The following XPO7 variants were observed in gnomAD, a reference collection of about 807,000 sequenced individuals.
XPO7 encodes the protein exportin-7.
In XPO7, 21 loss-of-function variants were observed where a neutral mutation model predicts 144.3. That is an observed-to-expected ratio of 0.15 (90% CI 0.10 to 0.21). The LOEUF (loss-of-function observed/expected upper bound fraction) is 0.21, where lower values mean the gene tolerates loss of function less well. Among genes scored for constraint, XPO7 ranks in the 10% least tolerant of loss-of-function variants. The pLI is 1.00. For missense variants in XPO7, 808 were observed against 1,325.8 expected (o/e 0.61, Z 6.06); for synonymous variants, 580 against 499.6 (o/e 1.16, Z -2.15).
intron 1 of XPO7, among the ~76,000 whole-genome samples, chr8:21,961,574 A>C (rs1811726903): frequency 6.6e-6 from 1 of 152,096 alleles, no homozygotes; most frequent in South Asian, 2.1e-4. Flanking sequence ...GTTCAGACTA[A>C]ACTAGCAACA....
chr8:21,948,264 C>T (rs1811256598), intron 1 of XPO7, among the ~76,000 whole-genome samples: 1 of 152,172 alleles, frequency 6.6e-6, no homozygotes, highest in African/African-American at 2.4e-5. Context: ...TGAAAAATTC[C>T]TGTTGCCTAG....
Position 22,005,229 on chromosome 8 carries a change from G to A in XPO7, c.*141G>A. The A allele has an allele frequency of 1.7e-6, 1 of 597,702 alleles. No individual in the cohort carries two copies. 37.0% of individuals were successfully genotyped at this position (597,702 alleles called of 1,614,324 possible). On this transcript the variant is annotated 3_prime_UTR_variant, in exon 28 of 28. Coordinates refer to ENST00000252512, the MANE Select transcript of XPO7 (RefSeq NM_015024.5). ...GGAAAATGGCAAAGGTCAACTAGCT[G>A]CTTCCCCAGGGAATAGGGGTGTGAG...
intron 1 of XPO7, among the ~76,000 whole-genome samples, chr8:21,948,235 C>A (rs553050888): frequency 1.8e-4 from 28 of 152,254 alleles, no homozygotes; most frequent in African/African-American, 6.3e-4. Flanking sequence ...ACAGTGGTCA[C>A]GTAAGATTAT....
chr8:21,941,774 T>C (rs1046100235), intron 1 of XPO7, among the ~76,000 whole-genome samples: 4 of 152,134 alleles, frequency 2.6e-5, no homozygotes, highest in African/African-American at 9.7e-5. Flanking sequence ...TTTCTAGGCT[T>C]AAGCGATCCT....
chr8:21,951,053 A>G (rs1347310182), intron 1 of XPO7, among the ~76,000 whole-genome samples: 1 of 152,070 alleles, frequency 6.6e-6, no homozygotes, highest in African/African-American at 2.4e-5. Flanking sequence ...CCGAGGTCAC[A>G]TCGCTGTACT....
In XPO7 at chr8:22,005,954, G is replaced by C. The variant is rs187954571; in HGVS notation, c.*866G>C. ...GTGTTGTAGGGTTCTTGGTCTGTGT[G>C]AAGGCAGAGACCAGAGAGAAGGAAG... On this transcript the variant is annotated 3_prime_UTR_variant, in exon 28 of 28. Coordinates refer to ENST00000252512, the MANE Select transcript of XPO7 (RefSeq NM_015024.5). The C allele has an allele frequency of 2.5e-4, 38 of 152,370 alleles. No individual in the cohort carries two copies. The highest frequency in any genetic ancestry group is 9.1e-4 in the African/African-American group (38 of 41,588). 9.4% of individuals were successfully genotyped at this position (152,370 alleles called of 1,614,324 possible).
chr8:21,985,243 A>G (rs1415458339), intron 12 of XPO7, among the ~76,000 whole-genome samples: 3 of 152,216 alleles, frequency 2.0e-5, no homozygotes, highest in Non-Finnish European at 2.9e-5. Flanking sequence ...ATCAAGGGCC[A>G]GGGGAAACAG....
At chr8:22,004,950 T>TGGGG in intron 27 of XPO7, 45 bp from the exon 28 acceptor site, 1 of 901,396 alleles carries the variant, frequency 1.1e-6, no homozygotes, top group Non-Finnish European at 1.6e-6. Flanking sequence ...CAAATACCTT[T>TGGGG]CCCCCCCACT....
In XPO7 at chr8:22,002,135, T is replaced by A. The variant is rs1212016346; in HGVS notation, c.2806T>A (p.Cys936Ser). 6.2e-7 allele frequency: 1 copy of A among 1,611,228 alleles called. No individual in the cohort carries two copies. The highest frequency in any genetic ancestry group is 8.5e-7 in the Non-Finnish European group (1 of 1,178,730). The change falls in exon 25 of 28, where the codon TGC becomes AGC. Residue 936 changes from cysteine (C) to serine (S), a missense_variant. Cys to Ser is a moderately radical substitution (Grantham distance 112, BLOSUM62 -1). Coordinates refer to ENST00000252512, the MANE Select transcript of XPO7 (RefSeq NM_015024.5). ...AGACACCATGGTATGCACAGGCTGC[T>A]GCTCCTGCCTGGACCACATTGTGAC... ...ALDTMVCTGCCSCLDHIVTYL... is the reference protein window; with the variant it reads ...ALDTMVCTGCSSCLDHIVTYL...
At chr8:21,925,651 A>G (rs1351543538) in intron 1 of XPO7, among the ~76,000 whole-genome samples, 2 of 152,132 alleles carry the variant, frequency 1.3e-5, no homozygotes, top group African/African-American at 4.8e-5. Context: ...TAAGCCTTTT[A>G]TAGTGTTATG....
chr8:21,989,836 T>A (rs1812705028), intron 16 of XPO7, among the ~76,000 whole-genome samples: 1 of 45,074 alleles, frequency 2.2e-5, no homozygotes, highest in South Asian at 1.1e-3. Context: ...TTTTTTTTTT[T>A]TTTTTTTTTT....
At chr8:21,951,293 C>T (rs1423263838) in intron 1 of XPO7, among the ~76,000 whole-genome samples, 2 of 151,558 alleles carry the variant, frequency 1.3e-5, no homozygotes. Flanking sequence ...ATGAGGCCTA[C>T]CTTAATTACC....
chr8:21,937,790 A>G (rs1810868538), intron 1 of XPO7, among the ~76,000 whole-genome samples: 1 of 152,188 alleles, frequency 6.6e-6, no homozygotes, highest in Non-Finnish European at 1.5e-5. Flanking sequence ...TATATTTGTT[A>G]AGCAGATATT....
chr8:21,926,774 G>GA (rs151213250), intron 1 of XPO7, among the ~76,000 whole-genome samples: 11 of 151,574 alleles, frequency 7.3e-5, no homozygotes, highest in South Asian at 2.1e-4. Context: ...CATCTCAGTT[G>GA]AAAAAAAATC....
intron 1 of XPO7, among the ~76,000 whole-genome samples, chr8:21,942,085 T>G (rs928863296): frequency 1.3e-5 from 2 of 152,204 alleles, no homozygotes; most frequent in African/African-American, 4.8e-5. Context: ...GGTCATACAT[T>G]GCAATACTGG....
chr8:21,992,098 G>A, intron 19 of XPO7, 124 bp downstream of exon 19: 1 of 614,206 alleles, frequency 1.6e-6, no homozygotes, highest in South Asian at 2.7e-5. Flanking sequence ...GACTTCTAGG[G>A]TTTTGGAATT....
At position 21,999,330 on chromosome 8, in the gene XPO7, A is replaced by C. The variant is rs760925071; in HGVS notation, c.2643+25A>C. ...GGTAAGCCTTACGCTGCATTGCCAC[A>C]ATCTTGTTCCTCATCACATTCAGCC... On this transcript the variant is annotated intron_variant, in intron 23 of 27. Coordinates refer to ENST00000252512, the MANE Select transcript of XPO7 (RefSeq NM_015024.5). The C allele has an allele frequency of 6.5e-5, 105 of 1,610,314 alleles. No homozygotes were observed. The East Asian group carries it at 2.3e-3, about 36-fold the overall frequency.
Position 22,002,243 on chromosome 8 carries a change from A to G in XPO7, c.2914A>G (p.Met972Val), listed in dbSNP as rs1251102242. ...GGAGAGCGACCGCTTTCTGCACATC[A>G]TGCAGCAGCATCCAGAGATGATCCA... ...NQESDRFLHIMQQHPEMIQQM... is the reference protein window; with the variant it reads ...NQESDRFLHIVQQHPEMIQQM... The change falls in exon 25 of 28, where the codon ATG (methionine) becomes GTG (valine). Residue 972 changes from methionine to valine, a missense_variant. Transcript: ENST00000252512. The G allele has an allele frequency of 1.9e-6, 3 of 1,613,176 alleles. No individual in the cohort carries two copies. The highest frequency in any genetic ancestry group is 2.5e-6 in the Non-Finnish European group (3 of 1,179,590).
intron 1 of XPO7, among the ~76,000 whole-genome samples, chr8:21,964,950 G>A (rs1172881479): frequency 6.6e-6 from 1 of 152,198 alleles, no homozygotes; most frequent in Non-Finnish European, 1.5e-5. Flanking sequence ...TATACCATAA[G>A]CATCAGGACT....
Sources: gnomAD v4.1 joint callset for allele counts (sites outside exome capture counted in the v4.1 genomes callset) on GRCh38, gnomAD v4.1.1 for gene constraint, MANE v1.5 for transcripts, NCBI Gene and HGNC (gene_info 2026-07-23, HGNC 2026-07-21) for gene names.